Variants in LIN52 observed in about 807,000 individuals in gnomAD.
LIN52 encodes protein lin-52 homolog.
A neutral mutation model predicts 18.5 loss-of-function variants in LIN52; 4 were observed. That is an observed-to-expected ratio of 0.22 (90% CI 0.11 to 0.49). The LOEUF (loss-of-function observed/expected upper bound fraction) is 0.49, where lower values mean the gene tolerates loss of function less well. Among genes scored for constraint, LIN52 ranks in the 20% least tolerant of loss-of-function variants. The pLI, the probability that LIN52 is intolerant of heterozygous loss-of-function variation, is 0.97. For synonymous variants in LIN52, 34 were observed against 45.5 expected (o/e 0.75, Z 1.02); for missense variants, 102 against 139.5 (o/e 0.73, Z 1.35).
intron 5 of LIN52, among the ~76,000 whole-genome samples, chr14:74,190,941 C>T (rs553411361): frequency 1.8e-4 from 27 of 152,326 alleles, no homozygotes; most frequent in African/African-American, 5.8e-4. Context: ...CTTCACAGCT[C>T]CTTCTGCTCT....
At chr14:74,098,650 C>T (rs1411464330) in intron 4 of LIN52, among the ~76,000 whole-genome samples, 4 of 150,802 alleles carry the variant, frequency 2.7e-5, no homozygotes, top group East Asian at 4.0e-4. Context: ...TGGGTTCAAG[C>T]GATTCTCCTG....
chr14:74,165,513 CT>C lies in LIN52; in HGVS notation c.284-33394del, dbSNP rs71460962. On this transcript the variant is annotated intron_variant, in intron 5 of 5. Transcript: ENST00000555028. ...AATGGAGAATTACAGGTTTTCTTTT[CT>C]TTTTTTTTTTTTTTGAGACAGAGTC... 2.2e-3 allele frequency among the ~76,000 whole-genome samples: 238 copies of C among 110,186 alleles called. 5 individuals carry two copies. Among genetic ancestry groups the C allele is most frequent in the African/African-American group, 3.9e-3 (105 of 26,666 alleles). The allele number at this position is 110,186 out of a possible 152,430, so 72.3% of individuals were successfully genotyped here. A position where few individuals can be genotyped will look rare whatever the true frequency, so the allele number is the denominator to read the frequency against.
intron 1 of LIN52, among the ~76,000 whole-genome samples, chr14:74,087,441 A>AT (rs1361547343): frequency 6.7e-6 from 1 of 149,982 alleles, no homozygotes; most frequent in Non-Finnish European, 1.5e-5. Context: ...AAAAAATTAA[A>AT]TTTTTTTCCT....
intron 5 of LIN52, among the ~76,000 whole-genome samples, chr14:74,170,969 C>G (rs1346866578): frequency 2.0e-5 from 3 of 150,594 alleles, no homozygotes; most frequent in Admixed American, 2.0e-4. Context: ...TTGCTTGAGC[C>G]CAGGAGTTTG....
intron 5 of LIN52, among the ~76,000 whole-genome samples, chr14:74,151,736 T>C (rs988747732): frequency 6.6e-6 from 1 of 152,172 alleles, no homozygotes; most frequent in African/African-American, 2.4e-5. Flanking sequence ...GGACGAAACA[T>C]GGCTATCGTG....
rs1312174942 is a variant in LIN52 at position 74,137,167 on chromosome 14, TA to T, written c.283+35930del. ...TATTTTATATATGAATATATATATA[TA>T]TATATTTTTTTAATCTATATTACGT... On this transcript the variant is annotated intron_variant, in intron 5 of 5. Transcript: ENST00000555028. 1.5e-3 allele frequency among the ~76,000 whole-genome samples: 217 copies of T among 140,120 alleles called. 2 individuals are homozygous for T. The highest frequency in any genetic ancestry group is 3.7e-3 in the Middle Eastern group (1 of 272). The allele number at this position is 140,120 out of a possible 152,430, so 91.9% of individuals were successfully genotyped here.
chr14:74,142,608 A>G (rs1465071879), intron 5 of LIN52, among the ~76,000 whole-genome samples: 1 of 151,666 alleles, frequency 6.6e-6, no homozygotes, highest in Admixed American at 6.6e-5. Context: ...TCACTCTAGG[A>G]AATGCTCAGT....
chr14:74,198,878 G>A (rs201767827), intron 5 of LIN52, 44 bp from the exon 6 acceptor site: 78 of 1,417,160 alleles, frequency 5.5e-5, no homozygotes, highest in African/African-American at 7.1e-5. Context: ...TCTTTTTTCC[G>A]ATTTTAGGTT....
intron 5 of LIN52, among the ~76,000 whole-genome samples, chr14:74,164,060 CA>C (rs1343951569): frequency 6.6e-6 from 1 of 151,804 alleles, no homozygotes; most frequent in Non-Finnish European, 1.5e-5. Context: ...CGGCTCACTG[CA>C]AGCTCCGCCT....
intron 5 of LIN52, among the ~76,000 whole-genome samples, chr14:74,192,010 G>C (rs1253926698): frequency 6.6e-6 from 1 of 152,202 alleles, no homozygotes; most frequent in African/African-American, 2.4e-5. Flanking sequence ...GCTCCACCTA[G>C]TACCCGACAT....
chr14:74,128,924 A>C (rs1181126533), intron 5 of LIN52, among the ~76,000 whole-genome samples: 1 of 152,232 alleles, frequency 6.6e-6, no homozygotes, highest in Non-Finnish European at 1.5e-5. Flanking sequence ...CCTGGGCAAC[A>C]GAGCAAGACT....
chr14:74,181,491 C>T (rs2061318506), intron 5 of LIN52, among the ~76,000 whole-genome samples: 2 of 151,496 alleles, frequency 1.3e-5, no homozygotes, highest in East Asian at 3.9e-4. Context: ...ATCTAATTAA[C>T]CAGATTTTCC....
chr14:74,111,363 AC>A (rs1271444594), intron 5 of LIN52, among the ~76,000 whole-genome samples: 1 of 151,792 alleles, frequency 6.6e-6, no homozygotes, highest in Non-Finnish European at 1.5e-5. Context: ...GTCATAGCTC[AC>A]TGCAGCCTTG....
chr14:74,091,086 A>C (rs535420165), intron 1 of LIN52, 146 bp from the exon 2 acceptor site: 2 of 522,814 alleles, frequency 3.8e-6, no homozygotes, highest in East Asian at 5.6e-5. Flanking sequence ...TTTGTATTCT[A>C]TCACGGACCA....
chr14:74,123,857 A>G (rs1459959241), intron 5 of LIN52, among the ~76,000 whole-genome samples: 1 of 152,236 alleles, frequency 6.6e-6, no homozygotes, highest in Non-Finnish European at 1.5e-5. Flanking sequence ...CTGGGATTTC[A>G]GAGATCCTGG....
intron 5 of LIN52, among the ~76,000 whole-genome samples, chr14:74,178,422 A>G (rs2061302498): frequency 6.6e-6 from 1 of 151,914 alleles, no homozygotes; most frequent in Non-Finnish European, 1.5e-5. Flanking sequence ...AAGCTAGATT[A>G]GTGGGGACTT....
rs542927346 is a variant in LIN52, at chr14:74,170,881, A to T, written c.284-28041A>T. Among the ~76,000 whole-genome samples the T allele has an allele frequency of 3.0e-4, 45 of 149,446 alleles. 1 individual carries two copies. In the South Asian group the frequency reaches 5.1e-3, roughly 17 times the overall value. ...AGGTACAGGCCAGAAAAAAAAAAAA[A>T]TTTTTAAGACATAAATGATCCCAGG... On this transcript the variant is annotated intron_variant, in intron 5 of 5. Transcript: ENST00000555028.
At chr14:74,185,035 A>T (rs887082307) in intron 5 of LIN52, among the ~76,000 whole-genome samples, 1 of 151,910 alleles carries the variant, frequency 6.6e-6, no homozygotes, top group Admixed American at 6.6e-5. Context: ...GCATGTCAGG[A>T]TATCCCTGGT....
At chr14:74,130,278 G>GTTTTTTTTTTGTTTTTTTTTT (rs1566856483) in intron 5 of LIN52, among the ~76,000 whole-genome samples, 2 of 64,842 alleles carry the variant, frequency 3.1e-5, no homozygotes, top group African/African-American at 6.3e-5. Flanking sequence ...GCATTTTTTG[G>GTTTTTTTTTTGTTTTTTTTTT]TTTTTTTTTT....
Sources: gnomAD v4.1 joint callset for allele counts (sites outside exome capture counted in the v4.1 genomes callset) on GRCh38, gnomAD v4.1.1 for gene constraint, MANE v1.5 for transcripts, NCBI Gene and HGNC (gene_info 2026-07-23, HGNC 2026-07-21) for gene names.